RSRC1: variants seen among roughly 807,000 people sequenced by gnomAD.
The protein encoded by RSRC1 is serine/Arginine-related protein 53.
A neutral mutation model predicts 49.1 loss-of-function variants in RSRC1; 39 were observed. The observed-to-expected ratio is 0.79, with a 90% CI of 0.61 to 1.04. RSRC1 has a LOEUF of 1.04. RSRC1 is among the 50% of genes least tolerant of loss of function. The pLI is 0.00. For missense variants in RSRC1, 388 were observed against 402.4 expected, an observed-to-expected ratio of 0.96 and a Z score of 0.31; for synonymous variants, 143 against 130.8, an observed-to-expected ratio of 1.09 and a Z score of -0.63.
intron 7 of RSRC1, among the ~76,000 whole-genome samples, chr3:158,532,545 T>C (rs1712464421): frequency 6.6e-6 from 1 of 151,942 alleles, no homozygotes; most frequent in African/African-American, 2.4e-5. Context: ...CTAATTTTTA[T>C]ACTATAAACA....
intron 3 of RSRC1, among the ~76,000 whole-genome samples, chr3:158,144,782 C>G (rs1461523480): frequency 6.6e-5 from 10 of 152,202 alleles, no homozygotes; most frequent in Non-Finnish European, 5.9e-5. Context: ...TTCTCCACAT[C>G]CTCTCCGGCA....
intron 6 of RSRC1, among the ~76,000 whole-genome samples, chr3:158,420,209 G>T (rs1474909204): frequency 1.3e-5 from 2 of 151,936 alleles, no homozygotes; most frequent in Non-Finnish European, 2.9e-5. Context: ...GCATTGTACT[G>T]GTAAGTAAAG....
At chr3:158,479,094 T>C (rs1489183156) in intron 7 of RSRC1, among the ~76,000 whole-genome samples, 1 of 151,142 alleles carries the variant, frequency 6.6e-6, no homozygotes, top group African/African-American at 2.4e-5. Flanking sequence ...TTTAAATCAA[T>C]TGGAATAATG....
At chr3:158,286,030 A>G (rs1726532160) in intron 4 of RSRC1, among the ~76,000 whole-genome samples, 1 of 152,136 alleles carries the variant, frequency 6.6e-6, no homozygotes, top group Admixed American at 6.5e-5. Flanking sequence ...AAATTTTCCT[A>G]ACTGTTTAAA....
At chr3:158,193,112 T>A (rs1021342492) in intron 3 of RSRC1, among the ~76,000 whole-genome samples, 2 of 152,092 alleles carry the variant, frequency 1.3e-5, no homozygotes, top group African/African-American at 4.8e-5. Flanking sequence ...TTAGGTAATA[T>A]TATTTCATTC....
Position 158,123,861 on chromosome 3 carries a change from T to G in RSRC1, c.195-5T>G. 1 of 1,598,354 alleles carries G rather than the reference T, an allele frequency of 6.3e-7. No individual in the cohort carries two copies. Among genetic ancestry groups the G allele is most frequent in the Non-Finnish European group, 8.5e-7 (1 of 1,174,160 alleles). On this transcript the variant is annotated splice_polypyrimidine_tract_variant and splice_region_variant and intron_variant, in intron 2 of 9. Transcript: ENST00000611884. ...GCAGTGATCTTTGATTATATTTTATTTCAGACGCAGGCATCGATCAAGCAG... is the reference window on the plus strand; with the variant it reads ...GCAGTGATCTTTGATTATATTTTATGTCAGACGCAGGCATCGATCAAGCAG...
intron 5 of RSRC1, among the ~76,000 whole-genome samples, chr3:158,329,252 G>C (rs922289201): frequency 3.3e-5 from 5 of 152,184 alleles, no homozygotes; most frequent in Non-Finnish European, 5.9e-5. Context: ...AAGTCATTCT[G>C]CATCCAGCTT....
intron 7 of RSRC1, among the ~76,000 whole-genome samples, chr3:158,511,355 C>T (rs551391639): frequency 1.9e-4 from 29 of 152,080 alleles, no homozygotes; most frequent in African/African-American, 6.5e-4. Context: ...TTCCCACCTA[C>T]GAGTGAGAAT....
At chr3:158,237,876 C>G (rs1254526984) in intron 4 of RSRC1, among the ~76,000 whole-genome samples, 3 of 152,152 alleles carry the variant, frequency 2.0e-5, no homozygotes, top group Non-Finnish European at 4.4e-5. Context: ...GCATTGCTGT[C>G]TTGTGCCAGT....
intron 4 of RSRC1, among the ~76,000 whole-genome samples, chr3:158,264,572 A>T (rs1468338610): frequency 6.6e-6 from 1 of 152,124 alleles, no homozygotes; most frequent in East Asian, 1.9e-4. Flanking sequence ...CTGATTATCC[A>T]CTTGTTCTAT....
chr3:158,178,530 G>A (rs1231758966), intron 3 of RSRC1, among the ~76,000 whole-genome samples: 1 of 152,008 alleles, frequency 6.6e-6, no homozygotes, highest in Non-Finnish European at 1.5e-5. Context: ...ACCAACTTTT[G>A]GGCTTATTGA....
chr3:158,181,065 A>C (rs1719595757), intron 3 of RSRC1, among the ~76,000 whole-genome samples: 1 of 152,078 alleles, frequency 6.6e-6, no homozygotes, highest in Non-Finnish European at 1.5e-5. Flanking sequence ...TGGCCTCCCA[A>C]AGTGCTGGGA....
rs1288388103 is a variant in RSRC1, at chr3:158,294,512, T to TATAA, written c.495-3527_495-3526insATAA. On this transcript the variant is annotated intron_variant, in intron 4 of 9. Transcript: ENST00000611884. ...TTCTGGTTTATACATCTTACAGTTT[T>TATAA]CCTTGTGGGTTCATCTTTTTTTTTC... Among the ~76,000 whole-genome samples, 14 of 152,264 alleles carry TATAA rather than the reference T, an allele frequency of 9.2e-5. 1 individual carries two copies. The South Asian group carries it at 2.9e-3, about 32-fold the overall frequency.
In RSRC1 at chr3:158,499,560, C is replaced by T. The variant is rs1344917163; in HGVS notation, c.653-37532C>T. On this transcript the variant is annotated intron_variant, in intron 7 of 9. Transcript: ENST00000611884. ...TTGTGTCATCTATGATTTCTTTCAG[C>T]AGTGTTTTGTAGTTTTCCTTGTAGA... Among the ~76,000 whole-genome samples the T allele has an allele frequency of 3.3e-5, 5 of 152,130 alleles. No homozygotes were observed. In the East Asian group the frequency reaches 7.7e-4, roughly 24 times the overall value.
intron 3 of RSRC1, among the ~76,000 whole-genome samples, chr3:158,154,788 T>C (rs984720563): frequency 1.3e-5 from 2 of 152,122 alleles, no homozygotes; most frequent in Non-Finnish European, 2.9e-5. Flanking sequence ...TTAGAGTCAG[T>C]CTTCTCAAAC....
intron 6 of RSRC1, among the ~76,000 whole-genome samples, chr3:158,370,689 T>G (rs1732019304): frequency 6.6e-6 from 1 of 151,882 alleles, no homozygotes; most frequent in Non-Finnish European, 1.5e-5. Context: ...GTTTATGGTT[T>G]TTATGAGTAA....
chr3:158,437,130 C>G (rs1736084636), intron 6 of RSRC1, among the ~76,000 whole-genome samples: 1 of 151,526 alleles, frequency 6.6e-6, no homozygotes, highest in Non-Finnish European at 1.5e-5. Context: ...AAAAAAAAAC[C>G]TTTGGATGGG....
chr3:158,144,487 G>A (rs1349379693), intron 3 of RSRC1, among the ~76,000 whole-genome samples: 1 of 152,166 alleles, frequency 6.6e-6, no homozygotes, highest in African/African-American at 2.4e-5. Context: ...CGGCTGCATA[G>A]TATTCCATGG....
At chr3:158,298,182 T>C in intron 5 of RSRC1, 107 bp downstream of exon 5, 1 of 835,502 alleles carries the variant, frequency 1.2e-6, no homozygotes, top group South Asian at 1.6e-5. Context: ...AAGTCAACCA[T>C]TTCCCAAAGG....
Sources: allele counts gnomAD v4.1 joint callset (sites outside exome capture counted in the v4.1 genomes callset), GRCh38; gene constraint gnomAD v4.1.1; transcripts MANE v1.5; gene names NCBI Gene and HGNC (gene_info 2026-07-23, HGNC 2026-07-21).